Variants in PPP2R2B observed in about 807,000 individuals in gnomAD.
The protein encoded by PPP2R2B is protein phosphatase 2 regulatory subunit Bbeta, also known as serine/threonine-protein phosphatase 2A 55 kDa regulatory subunit B beta isoform.
A neutral mutation model predicts 46.0 loss-of-function variants in PPP2R2B; 5 were observed. That is an observed-to-expected ratio of 0.11 (90% CI 0.06 to 0.23). The LOEUF (loss-of-function observed/expected upper bound fraction) is 0.23. Ranked by LOEUF, PPP2R2B falls within the 10% of genes least tolerant of loss-of-function variation. The pLI is 1.00. For synonymous variants in PPP2R2B, 215 were observed against 206.7 expected, an observed-to-expected ratio of 1.04 and a Z score of -0.34; for missense variants, 367 against 575.0, an observed-to-expected ratio of 0.64 and a Z score of 3.70.
intron 2 of PPP2R2B, among the ~76,000 whole-genome samples, chr5:146,709,403 G>T (rs142902004): frequency 6.6e-6 from 1 of 152,196 alleles, no homozygotes; most frequent in African/African-American, 2.4e-5. Context: ...TTCCTTGCCT[G>T]CCTCCTACTG....
At chr5:147,036,696 A>G (rs1425296834) in intron 1 of PPP2R2B, among the ~76,000 whole-genome samples, 1 of 152,162 alleles carries the variant, frequency 6.6e-6, no homozygotes, top group Non-Finnish European at 1.5e-5. Context: ...TTGACTTTTT[A>G]ATAATAGCCA....
intron 2 of PPP2R2B, among the ~76,000 whole-genome samples, chr5:146,750,679 A>G (rs1421487638): frequency 6.6e-6 from 1 of 152,220 alleles, no homozygotes; most frequent in Non-Finnish European, 1.5e-5. Context: ...CATGTCCCCT[A>G]TGAATGGAGC....
At chr5:146,856,464 T>A (rs775951976) in intron 2 of PPP2R2B, 2 of 1,472,528 alleles carry the variant, frequency 1.4e-6, no homozygotes, top group African/African-American at 2.8e-5. Context: ...TGCTACTTTA[T>A]CAAGAAGAGT....
intron 2 of PPP2R2B, among the ~76,000 whole-genome samples, chr5:146,728,626 T>C (rs945170449): frequency 1.3e-5 from 2 of 152,312 alleles, no homozygotes; most frequent in Admixed American, 1.3e-4. Flanking sequence ...TTGTATGTCC[T>C]AGAATTCCCA....
intron 2 of PPP2R2B, among the ~76,000 whole-genome samples, chr5:146,854,439 C>G (rs1025997519): frequency 7.9e-5 from 12 of 152,080 alleles, no homozygotes; most frequent in Non-Finnish European, 1.8e-4. Flanking sequence ...TTCAAATTCT[C>G]TCTTCTGGCT....
chr5:146,934,149 C>T (rs1421143112), intron 1 of PPP2R2B, among the ~76,000 whole-genome samples: 1 of 152,016 alleles, frequency 6.6e-6, no homozygotes, highest in Middle Eastern at 3.2e-3. Context: ...TATATGTGTG[C>T]ATGTGTCTTT....
intron 1 of PPP2R2B, among the ~76,000 whole-genome samples, chr5:146,914,008 C>T (rs975148479): frequency 1.3e-5 from 2 of 152,062 alleles, no homozygotes; most frequent in Non-Finnish European, 2.9e-5. Flanking sequence ...GAGCAGGTGG[C>T]TTTGAGAGGC....
At chr5:146,980,210 A>G (rs774389320) in intron 1 of PPP2R2B, among the ~76,000 whole-genome samples, 1 of 152,198 alleles carries the variant, frequency 6.6e-6, no homozygotes, top group African/African-American at 2.4e-5. Context: ...TCTATGTTTC[A>G]GAGTAGACTT....
At chr5:146,618,194 A>C (rs1191203403) in intron 7 of PPP2R2B, among the ~76,000 whole-genome samples, 1 of 152,186 alleles carries the variant, frequency 6.6e-6, no homozygotes, top group African/African-American at 2.4e-5. Context: ...GGTCCTTATA[A>C]GTGAAATAGG....
chr5:146,739,346 G>T lies in PPP2R2B; in HGVS notation c.71-38204C>A, dbSNP rs545318940. Among the ~76,000 whole-genome samples the T allele has an allele frequency of 3.9e-5, 6 of 152,300 alleles. No individual in the cohort carries two copies. In the South Asian group the frequency reaches 1.2e-3, roughly 32 times the overall value. On this transcript the variant is annotated intron_variant, in intron 2 of 9. Coordinates refer to ENST00000394411, the MANE Select transcript of PPP2R2B (RefSeq NM_181675.4). ...GAAGTGCATCTAAATGGAATTTAGAGAAATTAGGGGAAGCATCGTGGAGAA... is the reference window on the plus strand; with the variant it reads ...GAAGTGCATCTAAATGGAATTTAGATAAATTAGGGGAAGCATCGTGGAGAA...
intron 2 of PPP2R2B, among the ~76,000 whole-genome samples, chr5:147,072,925 T>A (rs1429800481): frequency 1.3e-5 from 2 of 152,200 alleles, no homozygotes; most frequent in African/African-American, 4.8e-5. Context: ...TAGCCAGTCT[T>A]ACTCTAGCAA....
chr5:147,052,754 T>C (rs1473038961), intron 1 of PPP2R2B, among the ~76,000 whole-genome samples: 2 of 151,784 alleles, frequency 1.3e-5, no homozygotes, highest in African/African-American at 2.4e-5. Context: ...ATGGAAACCA[T>C]AGAGAGGTTT....
chr5:146,923,384 G>C (rs957350070), intron 1 of PPP2R2B, among the ~76,000 whole-genome samples: 1 of 152,206 alleles, frequency 6.6e-6, no homozygotes, highest in African/African-American at 2.4e-5. Context: ...TGATCTTCCA[G>C]AGCGCTCTCA....
upstream of PPP2R2B, among the ~76,000 whole-genome samples, chr5:147,057,591 C>T (rs1043476059): frequency 9.9e-5 from 15 of 152,170 alleles, no homozygotes; most frequent in Admixed American, 6.5e-5. Flanking sequence ...GGAAGAATAA[C>T]AAGGTTTTCC....
intron 1 of PPP2R2B, among the ~76,000 whole-genome samples, chr5:146,887,935 G>GT: frequency 6.6e-6 from 1 of 152,308 alleles, no homozygotes. Context: ...AGGACTTATT[G>GT]AATTAGGTAT....
chr5:147,038,352 T>C (rs1240034854), intron 1 of PPP2R2B, among the ~76,000 whole-genome samples: 1 of 152,154 alleles, frequency 6.6e-6, no homozygotes, highest in Non-Finnish European at 1.5e-5. Context: ...AGGAATACTA[T>C]ATAGTGTCCC....
chr5:146,831,994 T>G (rs1758970729), intron 2 of PPP2R2B, among the ~76,000 whole-genome samples: 1 of 152,234 alleles, frequency 6.6e-6, no homozygotes, highest in African/African-American at 2.4e-5. Flanking sequence ...CTTTTGTTTC[T>G]TAAGGTTTAA....
intron 1 of PPP2R2B, among the ~76,000 whole-genome samples, chr5:147,017,827 T>C (rs973400724): frequency 1.3e-5 from 2 of 152,052 alleles, no homozygotes; most frequent in African/African-American, 4.8e-5. Flanking sequence ...TGTAAACAAA[T>C]GACAGTGAAA....
chr5:146,663,764 G>A (rs1776813946), intron 5 of PPP2R2B, among the ~76,000 whole-genome samples: 1 of 152,174 alleles, frequency 6.6e-6, no homozygotes, highest in South Asian at 2.1e-4. Context: ...ACTCAATGTT[G>A]ATGGATGCTG....
Sources: gnomAD v4.1 joint callset for allele counts (sites outside exome capture counted in the v4.1 genomes callset) on GRCh38, gnomAD v4.1.1 for gene constraint, MANE v1.5 for transcripts, NCBI Gene and HGNC (gene_info 2026-07-23, HGNC 2026-07-21) for gene names.